Variants in CLASP2 observed in about 807,000 individuals in gnomAD.
The protein encoded by CLASP2 is cytoplasmic linker associated protein 2, also known as CLIP-associating protein 2.
A neutral mutation model predicts 194.4 loss-of-function variants in CLASP2; 47 were observed. That is an observed-to-expected ratio of 0.24 (90% CI 0.19 to 0.31). The LOEUF (loss-of-function observed/expected upper bound fraction) is 0.31, where lower values mean the gene tolerates loss of function less well. Ranked by LOEUF, CLASP2 falls within the 10% of genes least tolerant of loss-of-function variation. CLASP2 has a pLI of 1.00. For missense variants in CLASP2, 1,445 were observed against 1,823.6 expected, an observed-to-expected ratio of 0.79 and a Z score of 3.78; for synonymous variants, 619 against 633.5, an observed-to-expected ratio of 0.98 and a Z score of 0.34.
At chr3:33,537,877 C>T (rs764837826) in intron 33 of CLASP2, among the ~76,000 whole-genome samples, 3 of 152,200 alleles carry the variant, frequency 2.0e-5, no homozygotes, top group Non-Finnish European at 2.9e-5. Context: ...CGCAGTGGCT[C>T]ACACCTGTAA....
intron 8 of CLASP2, among the ~76,000 whole-genome samples, chr3:33,636,951 CA>C (rs1463623572): frequency 6.6e-6 from 1 of 152,004 alleles, no homozygotes; most frequent in Non-Finnish European, 1.5e-5. Context: ...AGTAAATTAC[CA>C]ACTATCCAAG....
intron 11 of CLASP2, among the ~76,000 whole-genome samples, chr3:33,621,731 T>A (rs2077143160): frequency 6.6e-6 from 1 of 152,140 alleles, no homozygotes; most frequent in South Asian, 2.1e-4. Flanking sequence ...AAACTTAAAG[T>A]TTAGGTTTTG....
chr3:33,541,258 T>C (rs1576159599), intron 32 of CLASP2, among the ~76,000 whole-genome samples: 1 of 152,172 alleles, frequency 6.6e-6, no homozygotes. Context: ...CCATCAGTGA[T>C]AGACTGGATA....
intron 18 of CLASP2, among the ~76,000 whole-genome samples, chr3:33,601,769 G>A (rs2072277182): frequency 6.6e-6 from 1 of 152,172 alleles, no homozygotes; most frequent in Non-Finnish European, 1.5e-5. Context: ...TGTAAACCAT[G>A]TGTCTAAACA....
intron 33 of CLASP2, 40 bp downstream of exon 33, chr3:33,538,749 A>G: frequency 6.8e-7 from 1 of 1,460,368 alleles, no homozygotes; most frequent in Non-Finnish European, 9.1e-7. Context: ...ATTAATGAAC[A>G]ATAAAATAGT....
intron 25 of CLASP2, among the ~76,000 whole-genome samples, chr3:33,571,481 G>A (rs549589426): frequency 6.6e-6 from 1 of 151,650 alleles, no homozygotes; most frequent in African/African-American, 2.4e-5. Flanking sequence ...ATACAAAAAA[G>A]TAGCTGCGCT....
At chr3:33,521,585 G>C (rs771255276) in intron 34 of CLASP2, among the ~76,000 whole-genome samples, 1 of 152,222 alleles carries the variant, frequency 6.6e-6, no homozygotes, top group Non-Finnish European at 1.5e-5. Context: ...GAGAGCTAAG[G>C]AAAGACTGAA....
At chr3:33,610,406 C>T (rs1464907735) in intron 13 of CLASP2, among the ~76,000 whole-genome samples, 1 of 152,200 alleles carries the variant, frequency 6.6e-6, no homozygotes, top group Non-Finnish European at 1.5e-5. Flanking sequence ...GCCTCAGGGG[C>T]CTATCTGATG....
In CLASP2 at chr3:33,672,633, G is replaced by A. The variant is rs796441125; in HGVS notation, c.645-9118C>T. 1.6e-4 allele frequency among the ~76,000 whole-genome samples: 25 copies of A among 152,232 alleles called. 1 individual carries two copies. Among genetic ancestry groups the A allele is most frequent in the African/African-American group, 5.3e-4 (22 of 41,542 alleles). On this transcript the variant is annotated intron_variant, in intron 6 of 38. Transcript: ENST00000682230. ...GAGTTGACAGAAGAAGGCTTCAGACGATCAAATTATGAGCTACAGGAGGAA... is the reference window on the plus strand; with the variant it reads ...GAGTTGACAGAAGAAGGCTTCAGACAATCAAATTATGAGCTACAGGAGGAA...
At position 33,581,843 on chromosome 3, in the gene CLASP2, A is replaced by C. The variant is rs771066193; in HGVS notation, c.2325T>G (p.Pro775=). 1.2e-6 allele frequency: 2 copies of C among 1,613,494 alleles called. No homozygotes were observed. Among genetic ancestry groups the C allele is most frequent in the Non-Finnish European group, 1.7e-6 (2 of 1,179,642 alleles). The change falls in exon 23 of 39, where the codon CCT becomes CCG. Residue 775 remains proline (P), a synonymous_variant. Coordinates refer to ENST00000682230, the MANE Select transcript of CLASP2 (RefSeq NM_001365631.1). ...TACCGAGGGGCTGAAAAGAGCGAAC[A>C]GGACTTGTGTCTCTGCTGCTCTCCC... ...ASRESSRDTS[P]VRSFQPLGPG...
intron 8 of CLASP2, among the ~76,000 whole-genome samples, chr3:33,635,451 C>T (rs1476714918): frequency 6.6e-6 from 1 of 151,986 alleles, no homozygotes; most frequent in Non-Finnish European, 1.5e-5. Context: ...GAGCAATAGG[C>T]CAAACATTCC....
chr3:33,508,078 T>A (rs2048765160), intron 37 of CLASP2, among the ~76,000 whole-genome samples: 1 of 151,798 alleles, frequency 6.6e-6, no homozygotes, highest in African/African-American at 2.4e-5. Flanking sequence ...CACTGCAGCC[T>A]CAAATTCCCA....
intron 6 of CLASP2, among the ~76,000 whole-genome samples, chr3:33,676,870 A>C (rs2088764257): frequency 6.6e-6 from 1 of 152,206 alleles, no homozygotes; most frequent in Admixed American, 6.5e-5. Context: ...AAAAACAAAC[A>C]ACCCCATCAA....
At chr3:33,603,766 G>C (rs1000638363) in intron 17 of CLASP2, among the ~76,000 whole-genome samples, 5 of 152,134 alleles carry the variant, frequency 3.3e-5, no homozygotes, top group Non-Finnish European at 5.9e-5. Flanking sequence ...GGGATTATGG[G>C]CACGTGCCAC....
intron 1 of CLASP2, among the ~76,000 whole-genome samples, chr3:33,706,174 G>A (rs1009353436): frequency 2.0e-5 from 3 of 152,066 alleles, no homozygotes; most frequent in African/African-American, 7.2e-5. Flanking sequence ...CCTGAGCCCG[G>A]GACGTCAAGT....
At chr3:33,715,763 T>C (rs2093262719) in intron 1 of CLASP2, among the ~76,000 whole-genome samples, 1 of 144,582 alleles carries the variant, frequency 6.9e-6, no homozygotes, top group Non-Finnish European at 1.5e-5. Flanking sequence ...TAAACTGAAA[T>C]TGAAGTATGA....
In CLASP2 at chr3:33,665,983, C is replaced by T. The variant is rs141286206; in HGVS notation, c.645-2468G>A. Reference sequence around the variant, plus strand: ...GATTATAAACACAATTTAGGAGGCCCACAAAGCTCTAGGAAGGTTCTGACT... The same window carrying T: ...GATTATAAACACAATTTAGGAGGCCTACAAAGCTCTAGGAAGGTTCTGACT... On this transcript the variant is annotated intron_variant, in intron 6 of 38. Coordinates refer to ENST00000682230, the MANE Select transcript of CLASP2 (RefSeq NM_001365631.1). Among the ~76,000 whole-genome samples the T allele has an allele frequency of 7.5e-3, 1,141 of 152,134 alleles. 11 individuals carry two copies. Among genetic ancestry groups the T allele is most frequent in the African/African-American group, 0.025 (1,045 of 41,524 alleles).
At chr3:33,571,149 G>A (rs2154192873) in intron 25 of CLASP2, among the ~76,000 whole-genome samples, 2 of 151,676 alleles carry the variant, frequency 1.3e-5, no homozygotes, top group Middle Eastern at 6.8e-3. Context: ...GAGTAGCTGG[G>A]AGTACAGGCG....
At chr3:33,672,893 A>C (rs1456576660) in intron 6 of CLASP2, among the ~76,000 whole-genome samples, 1 of 152,182 alleles carries the variant, frequency 6.6e-6, no homozygotes, top group East Asian at 1.9e-4. Flanking sequence ...GTTTAGAGAA[A>C]AAAGAATAAA....
Sources: allele counts gnomAD v4.1 joint callset (sites outside exome capture counted in the v4.1 genomes callset), GRCh38; gene constraint gnomAD v4.1.1; transcripts MANE v1.5; gene names NCBI Gene and HGNC (gene_info 2026-07-23, HGNC 2026-07-21).